INCENP: variants seen among roughly 807,000 people sequenced by gnomAD.
INCENP encodes binds and activates aurora-B and -C in vivo and in vitro.
A neutral mutation model predicts 107.3 loss-of-function variants in INCENP; 43 were observed. The observed-to-expected ratio is 0.40, with a 90% CI of 0.31 to 0.52. The LOEUF (loss-of-function observed/expected upper bound fraction) is 0.52, where lower values mean the gene tolerates loss of function less well. Ranked by LOEUF, INCENP falls within the 20% of genes least tolerant of loss-of-function variation. The probability of loss-of-function intolerance (pLI) is 0.53; values close to 1 mark genes in which losing one functional copy is unlikely to be tolerated. For missense variants in INCENP, 1,089 were observed against 1,250.9 expected (o/e 0.87, Z 1.95); for synonymous variants, 488 against 494.4 (o/e 0.99, Z 0.17).
At chr11:62,140,575 GC>G in intron 8 of INCENP, 128 bp from the exon 9 acceptor site, 1 of 792,274 alleles carries the variant, frequency 1.3e-6, no homozygotes, top group Non-Finnish European at 2.0e-6. Flanking sequence ...GGTTGCTTAG[GC>G]TCTGCAGCCT....
At position 62,130,420 on chromosome 11, in the gene INCENP, C is replaced by T. The variant is rs772664621; in HGVS notation, c.893C>T (p.Thr298Met). The change falls in exon 4 of 19, where the codon ACG (threonine) becomes ATG (methionine). Residue 298 changes from threonine (T) to methionine (M), a missense_variant. Thr to Met is a moderately conservative substitution (Grantham distance 81, BLOSUM62 -1). Transcript: ENST00000394818. ...TTCTCCACGCCCACGGGCTCTCGCA[C>T]GGACTCTCAATCGGTGCGGCACAGC... ...DNFSTPTGSR[T>M]DSQSVRHSPI... is the part of the protein sequence containing the mutation. The T allele has an allele frequency of 5.6e-6, 9 of 1,613,676 alleles. No homozygotes were observed. The highest frequency in any genetic ancestry group is 2.7e-5 in the African/African-American group (2 of 74,958).
intron 13 of INCENP, 113 bp downstream of exon 13, chr11:62,145,402 T>C: frequency 6.7e-7 from 1 of 1,486,926 alleles, no homozygotes; most frequent in Non-Finnish European, 9.1e-7. Flanking sequence ...CCATCTCCTG[T>C]CTGCCCCATG....
chr11:62,141,527 T>C lies in INCENP; in HGVS notation c.1605+16T>C, dbSNP rs1041972701. On this transcript the variant is annotated intron_variant, in intron 11 of 18. Coordinates refer to ENST00000394818, the MANE Select transcript of INCENP (RefSeq NM_001040694.2). Reference sequence around the variant, plus strand: ...CAGCTTCGTCGTAAGTAAAGCCTTTTCCTGTCGGTAACCTCGCCCCACCTA... The same window carrying C: ...CAGCTTCGTCGTAAGTAAAGCCTTTCCCTGTCGGTAACCTCGCCCCACCTA... 3.1e-6 allele frequency: 5 copies of C among 1,613,920 alleles called. No individual in the cohort carries two copies. Among genetic ancestry groups the C allele is most frequent in the Non-Finnish European group, 3.4e-6 (4 of 1,179,888 alleles).
At chr11:62,148,691 A>G in intron 16 of INCENP, 48 bp from the exon 17 acceptor site, 1 of 1,472,796 alleles carries the variant, frequency 6.8e-7, no homozygotes, top group Admixed American at 2.1e-5. Flanking sequence ...AGGGGAGGGA[A>G]GGGCACCTGC....
At position 62,148,515 on chromosome 11, in the gene INCENP, G is replaced by T; in HGVS notation, c.2244G>T (p.Lys748Asn). ...GGGAGAAGGCCCTGCGGCTGCAGAA[G>T]GAGCAGCTGCAGAGGGAACTGGAGG... Reference protein sequence around the residue: ...QEREKALRLQKEQLQRELEEK... With the variant: ...QEREKALRLQNEQLQRELEEK... Residue 748 changes from lysine to asparagine, a missense_variant, in exon 16 of 19, where the codon AAG becomes AAT. Lys to Asn is a moderately conservative substitution (Grantham distance 94, BLOSUM62 0). Coordinates refer to ENST00000394818, the MANE Select transcript of INCENP (RefSeq NM_001040694.2). The T allele has an allele frequency of 6.2e-7, 1 of 1,608,632 alleles. No homozygotes were observed. Among genetic ancestry groups the T allele is most frequent in the South Asian group, 1.1e-5 (1 of 89,478 alleles).
At chr11:62,138,614 A>T in intron 5 of INCENP, 99 bp from the exon 6 acceptor site, 1 of 1,155,874 alleles carries the variant, frequency 8.7e-7, no homozygotes, top group Non-Finnish European at 1.3e-6. Context: ...CCTTGTGTTG[A>T]CCTCTTGGGT....
Position 62,130,603 on chromosome 11 carries a change from G to A in INCENP, c.1063+13G>A, listed in dbSNP as rs772266151. Reference sequence around the variant, plus strand: ...GGCCGCATCATCTGTGAGTCTGGGGGCTTGGCAGTGGCGGGTGGTCCTTGG... The same window carrying A: ...GGCCGCATCATCTGTGAGTCTGGGGACTTGGCAGTGGCGGGTGGTCCTTGG... On this transcript the variant is annotated intron_variant, in intron 4 of 18. Transcript: ENST00000394818. 1 of 1,601,234 alleles carries A rather than the reference G, an allele frequency of 6.2e-7. No homozygotes were observed. Among genetic ancestry groups the A allele is most frequent in the East Asian group, 2.2e-5 (1 of 44,812 alleles).
chr11:62,129,404 C>A (rs1943830433), intron 3 of INCENP, among the ~76,000 whole-genome samples: 1 of 152,178 alleles, frequency 6.6e-6, no homozygotes, highest in African/African-American at 2.4e-5. Context: ...AGCCTCCGTT[C>A]CTCATCCCTA....
intron 4 of INCENP, among the ~76,000 whole-genome samples, 173 bp from the exon 5 acceptor site, chr11:62,137,659 A>T (rs558232130): frequency 7.2e-5 from 11 of 152,122 alleles, no homozygotes; most frequent in Non-Finnish European, 1.3e-4. Flanking sequence ...AGCAGCTCCG[A>T]TAAGGACACT....
chr11:62,147,868 G>A (rs1675116), intron 15 of INCENP, among the ~76,000 whole-genome samples: 3,307 of 152,220 alleles, frequency 0.022, 126 homozygotes, highest in African/African-American at 0.075. Context: ...TGAGGGTGGC[G>A]GTGTGATAGT....
chr11:62,145,334 C>T (rs1370885156), intron 13 of INCENP, 45 bp downstream of exon 13: 3 of 1,612,014 alleles, frequency 1.9e-6, no homozygotes, highest in Non-Finnish European at 1.7e-6. Context: ...AGGACTTGGG[C>T]CAAGGGTTAG....
chr11:62,126,980 G>T (rs978052569), intron 1 of INCENP, among the ~76,000 whole-genome samples: 28 of 152,098 alleles, frequency 1.8e-4, no homozygotes, highest in Admixed American at 1.4e-3. Flanking sequence ...CACAGATATG[G>T]AGGGCTGATT....
intron 11 of INCENP, among the ~76,000 whole-genome samples, chr11:62,143,020 G>C (rs767340683): frequency 1.4e-5 from 2 of 147,330 alleles, no homozygotes; most frequent in Non-Finnish European, 3.0e-5. Flanking sequence ...CACCTGCCAG[G>C]GGGACAGGGA....
chr11:62,145,618 G>A lies in INCENP; in HGVS notation c.1837-11G>A, dbSNP rs1326336103. ...GGTGCTCCAATGGGCATGTGTGGGTGGGCTCTGCAGGCCAAGGAGGAGCGG... is the reference window on the plus strand; with the variant it reads ...GGTGCTCCAATGGGCATGTGTGGGTAGGCTCTGCAGGCCAAGGAGGAGCGG... On this transcript the variant is annotated splice_polypyrimidine_tract_variant and intron_variant, in intron 13 of 18. Coordinates refer to ENST00000394818, the MANE Select transcript of INCENP (RefSeq NM_001040694.2). 6 of 1,591,736 alleles carry A rather than the reference G, an allele frequency of 3.8e-6. No individual in the cohort carries two copies. The highest frequency in any genetic ancestry group is 5.1e-6 in the Non-Finnish European group (6 of 1,169,334).
At chr11:62,127,043 GTTT>G (rs61614201) in intron 1 of INCENP, among the ~76,000 whole-genome samples, 1 of 145,574 alleles carries the variant, frequency 6.9e-6, no homozygotes. Context: ...TTTTTGTTTT[GTTT>G]TTTTTTTTTT....
chr11:62,148,791 A>C lies in INCENP; in HGVS notation c.2336A>C (p.Lys779Thr). The C allele has an allele frequency of 6.2e-7, 1 of 1,606,078 alleles. No individual in the cohort carries two copies. Among genetic ancestry groups the C allele is most frequent in the African/African-American group, 1.3e-5 (1 of 74,596 alleles). The change falls in exon 17 of 19, where the codon AAA becomes ACA. Residue 779 changes from lysine to threonine, a missense_variant. By Grantham distance (78) the Lys-to-Thr change is moderately conservative. Transcript: ENST00000394818. ...ERQLQEEQEK[K>T]AKEAAGASKA... Reference sequence around the variant, plus strand: ...CAGCTGCAGGAGGAGCAAGAGAAGAAAGCCAAGGAGGCAGCAGGGGCCAGC... The same window carrying C: ...CAGCTGCAGGAGGAGCAAGAGAAGACAGCCAAGGAGGCAGCAGGGGCCAGC...
intron 1 of INCENP, 30 bp from the exon 2 acceptor site, chr11:62,128,121 A>C: frequency 1.2e-6 from 2 of 1,612,964 alleles, no homozygotes; most frequent in Non-Finnish European, 1.7e-6. Flanking sequence ...TGGGCCCCTA[A>C]CTTGTGCCTC....
chr11:62,129,002 G>T (rs1227798004), intron 3 of INCENP, 119 bp downstream of exon 3: 4 of 710,752 alleles, frequency 5.6e-6, no homozygotes, highest in Admixed American at 4.3e-5. Context: ...AGGGGTGGTG[G>T]GTACCACCGC....
At position 62,145,650 on chromosome 11, in the gene INCENP, G is replaced by C; in HGVS notation, c.1858G>C (p.Glu620Gln). 1 of 1,589,248 alleles carries C rather than the reference G, an allele frequency of 6.3e-7. No individual in the cohort carries two copies. ...TEKAKEERLA[E>Q]EKAKKKAAAK... ...GCAGGCCAAGGAGGAGCGGCTGGCA[G>C]AGGAGAAGGCCAAGAAAAAGGCGGC... Residue 620 changes from glutamate (E) to glutamine (Q), a missense_variant, in exon 14 of 19, where the codon GAG (glutamate) becomes CAG (glutamine). Transcript: ENST00000394818.
Sources: allele counts gnomAD v4.1 joint callset (sites outside exome capture counted in the v4.1 genomes callset), GRCh38; gene constraint gnomAD v4.1.1; transcripts MANE v1.5; gene names NCBI Gene and HGNC (gene_info 2026-07-23, HGNC 2026-07-21).